Variants in WSB1 observed in about 807,000 individuals in gnomAD.
WSB1 encodes the protein WD repeat and SOCS box-containing protein 1.
A neutral mutation model predicts 50.2 loss-of-function variants in WSB1; 23 were observed. The observed-to-expected ratio is 0.46, with a 90% confidence interval of 0.33 to 0.65. The LOEUF (loss-of-function observed/expected upper bound fraction) is 0.65. WSB1 is among the 30% of genes least tolerant of loss of function. The probability of loss-of-function intolerance (pLI) is 0.02; values close to 1 mark genes in which losing one functional copy is unlikely to be tolerated. For synonymous variants in WSB1, 179 were observed against 172.0 expected, an observed-to-expected ratio of 1.04 and a Z score of -0.32; for missense variants, 492 against 522.3, an observed-to-expected ratio of 0.94 and a Z score of 0.56.
At position 27,312,714 on chromosome 17, in the gene WSB1, C is replaced by A. The variant is rs547034345; in HGVS notation, c.*345C>A. ...GCTTCAGTAGAGCCACAATATGTAT[C>A]TTTGCTGTAAAGTGCAAGGAAATTT... On this transcript the variant is annotated 3_prime_UTR_variant, in exon 9 of 9. Coordinates refer to ENST00000262394, the MANE Select transcript of WSB1 (RefSeq NM_015626.10). 6.6e-5 allele frequency: 12 copies of A among 182,128 alleles called. No homozygotes were observed. The South Asian group carries it at 1.3e-3, about 20-fold the overall frequency. The allele number at this position is 182,128 out of a possible 1,614,324, so 11.3% of individuals were successfully genotyped here.
chr17:27,312,441 C>T lies in WSB1; in HGVS notation c.*72C>T. 1 of 1,549,452 alleles carries T rather than the reference C, an allele frequency of 6.5e-7. No individual in the cohort carries two copies. Among genetic ancestry groups the T allele is most frequent in the East Asian group, 2.3e-5 (1 of 43,958 alleles). On this transcript the variant is annotated 3_prime_UTR_variant, in exon 9 of 9. Transcript: ENST00000262394. ...CACAAACCTCAAGCTTTACTGACTT[C>T]AATTATCTGTTTTTAAAGACGTAGA...
intron 7 of WSB1, 71 bp downstream of exon 7, chr17:27,310,245 G>C: frequency 7.1e-7 from 1 of 1,414,176 alleles, no homozygotes; most frequent in Non-Finnish European, 9.9e-7. Flanking sequence ...AAGCCTTTCT[G>C]CAGTTAAGAG....
At chr17:27,298,262 A>G (rs962918397) in intron 1 of WSB1, among the ~76,000 whole-genome samples, 36 of 152,154 alleles carry the variant, frequency 2.4e-4, no homozygotes, top group Non-Finnish European at 7.3e-5. Context: ...CTCGTATACA[A>G]GTTACATAAA....
rs1383506363 is a variant in WSB1 at position 27,310,280 on chromosome 17, A to T, written c.998+106A>T. ...GTTTTAATGTCTCTTCCTCAACACA[A>T]GCCCCTGGGAGATTTTGTTGTGTCT... is the stretch of plus-strand genomic sequence containing the variant. On this transcript the variant is annotated intron_variant, in intron 7 of 8. Transcript: ENST00000262394. 5.4e-6 allele frequency: 5 copies of T among 922,828 alleles called. No homozygotes were observed. The African/African-American group carries it at 6.6e-5, about 12-fold the overall frequency. 57.2% of individuals were successfully genotyped at this position (922,828 alleles called of 1,614,324 possible).
chr17:27,310,003 G>C, intron 6 of WSB1, 58 bp from the exon 7 acceptor site: 1 of 1,353,090 alleles, frequency 7.4e-7, no homozygotes, highest in Non-Finnish European at 1.1e-6. Context: ...TTTGTACCTG[G>C]GTAATTTTGT....
At chr17:27,296,570 T>C (rs1420986941) in intron 1 of WSB1, among the ~76,000 whole-genome samples, 1 of 152,240 alleles carries the variant, frequency 6.6e-6, no homozygotes. Flanking sequence ...TCTGTGATAC[T>C]ACTGCCTTGA....
rs59031980 is a variant in WSB1 at position 27,313,619 on chromosome 17, TAAA to T, written c.*1260_*1262del. On this transcript the variant is annotated 3_prime_UTR_variant, in exon 9 of 9. Coordinates refer to ENST00000262394, the MANE Select transcript of WSB1 (RefSeq NM_015626.10). Reference sequence around the variant, plus strand: ...GTTGAGTTTTTTAATTAAAGACTTGTAAAAAAAAAAAACAGTATATTGCAAATG... The same window carrying T: ...GTTGAGTTTTTTAATTAAAGACTTGTAAAAAAAAACAGTATATTGCAAATG... 2 of 144,766 alleles carry T rather than the reference TAAA, an allele frequency of 1.4e-5. No homozygotes were observed. Among genetic ancestry groups the T allele is most frequent in the African/African-American group, 2.5e-5 (1 of 39,814 alleles). 9.0% of individuals were successfully genotyped at this position (144,766 alleles called of 1,614,324 possible).
At chr17:27,299,123 G>A (rs1453824701) in intron 1 of WSB1, among the ~76,000 whole-genome samples, 2 of 152,184 alleles carry the variant, frequency 1.3e-5, no homozygotes, top group East Asian at 3.8e-4. Flanking sequence ...TGTAGGTTTG[G>A]GAAAATTGTA....
intron 1 of WSB1, among the ~76,000 whole-genome samples, chr17:27,295,271 C>T (rs1322011877): frequency 2.6e-5 from 4 of 152,166 alleles, no homozygotes; most frequent in Admixed American, 1.3e-4. Context: ...ACTGATCTTA[C>T]TGTGTGAAGT....
intron 5 of WSB1, chr17:27,307,648 A>T: frequency 8.1e-7 from 1 of 1,237,070 alleles, no homozygotes; most frequent in Non-Finnish European, 1.1e-6. Flanking sequence ...TACTCAGTTT[A>T]GTTCTTTACA....
intron 1 of WSB1, among the ~76,000 whole-genome samples, chr17:27,295,280 G>C (rs1396891659): frequency 6.6e-6 from 1 of 152,228 alleles, no homozygotes; most frequent in Admixed American, 6.5e-5. Flanking sequence ...ACTGTGTGAA[G>C]TAATAATTAG....
chr17:27,296,734 GTGT>G (rs1368774312), intron 1 of WSB1, among the ~76,000 whole-genome samples: 1 of 152,172 alleles, frequency 6.6e-6, no homozygotes, highest in Non-Finnish European at 1.5e-5. Flanking sequence ...TAATAATGTA[GTGT>G]TGTATCTTAC....
chr17:27,311,632 T>TG lies in WSB1; in HGVS notation c.1106+16_1106+17insG. On this transcript the variant is annotated intron_variant, in intron 8 of 8. Transcript: ENST00000262394. ...TAGCTGCTGGGTAAATATATTTTTCTCTTTTTTTTTTTTTTTTTTTTTTTT... is the reference window on the plus strand; with the variant it reads ...TAGCTGCTGGGTAAATATATTTTTCTGCTTTTTTTTTTTTTTTTTTTTTTTT... 1 of 1,118,756 alleles carries TG rather than the reference T, an allele frequency of 8.9e-7. No individual in the cohort carries two copies. The highest frequency in any genetic ancestry group is 2.5e-5 in the Admixed American group (1 of 39,606). The allele number at this position is 1,118,756 out of a possible 1,614,324, so 69.3% of individuals were successfully genotyped here.
intron 1 of WSB1, among the ~76,000 whole-genome samples, chr17:27,301,075 T>C (rs952248166): frequency 2.6e-5 from 4 of 152,106 alleles, no homozygotes; most frequent in African/African-American, 9.7e-5. Context: ...TTTCAAACCA[T>C]GTTGGCCAGG....
chr17:27,294,494 G>C, intron 1 of WSB1, 59 bp downstream of exon 1: 2 of 1,603,552 alleles, frequency 1.2e-6, no homozygotes, highest in East Asian at 2.3e-5. Context: ...GGACTCCCCG[G>C]AGGAGGTTTG....
chr17:27,312,077 TC>T lies in WSB1; in HGVS notation c.1107-132del, dbSNP rs201947398. 5.4e-6 allele frequency: 6 copies of T among 1,104,660 alleles called. No individual in the cohort carries two copies. In the Middle Eastern group the frequency reaches 8.5e-4, roughly 157 times the overall value. The allele number at this position is 1,104,660 out of a possible 1,614,324, so 68.4% of individuals were successfully genotyped here. A position where few individuals can be genotyped will look rare whatever the true frequency, so the allele number is the denominator to read the frequency against. ...GTCATGGAATACATCATTGGTTAGT[TC>T]TTCCTGGTTGGGTTTTAATGTGAAG... On this transcript the variant is annotated intron_variant, in intron 8 of 8. Coordinates refer to ENST00000262394, the MANE Select transcript of WSB1 (RefSeq NM_015626.10).
chr17:27,303,759 C>A, intron 3 of WSB1, 124 bp downstream of exon 3: 1 of 1,231,170 alleles, frequency 8.1e-7, no homozygotes, highest in Non-Finnish European at 1.1e-6. Flanking sequence ...GGCATAGGTG[C>A]GTCTTTATAA....
intron 1 of WSB1, among the ~76,000 whole-genome samples, chr17:27,299,183 G>A (rs187973298): frequency 1.3e-5 from 2 of 152,326 alleles, no homozygotes; most frequent in African/African-American, 2.4e-5. Context: ...TATGTTAAAG[G>A]TATCTGCAGG....
At chr17:27,298,050 G>T (rs186627091) in intron 1 of WSB1, among the ~76,000 whole-genome samples, 171 of 150,596 alleles carry the variant, frequency 1.1e-3, no homozygotes, top group Admixed American at 0.01. Flanking sequence ...GCTTGAACCC[G>T]GGAGGCAGAG....
Sources: gnomAD v4.1 joint callset for allele counts (sites outside exome capture counted in the v4.1 genomes callset) on GRCh38, gnomAD v4.1.1 for gene constraint, MANE v1.5 for transcripts, NCBI Gene and HGNC (gene_info 2026-07-23, HGNC 2026-07-21) for gene names.